Variants in UQCC2 observed in about 807,000 individuals in gnomAD.
UQCC2 encodes the protein ubiquinol-cytochrome c reductase complex assembly factor 2.
In UQCC2, 21 loss-of-function variants were observed where a neutral mutation model predicts 19.9. The ratio of observed to expected loss-of-function variants is 1.05; its 90% CI spans 0.75 to 1.52. The LOEUF (loss-of-function observed/expected upper bound fraction) is 1.52. UQCC2 is among the 40% of genes most tolerant of loss of function. UQCC2 has a pLI of 0.00. For missense variants in UQCC2, 135 were observed against 157.5 expected, an observed-to-expected ratio of 0.86 and a Z score of 0.76; for synonymous variants, 57 against 60.9, an observed-to-expected ratio of 0.94 and a Z score of 0.30.
intron 1 of UQCC2, among the ~76,000 whole-genome samples, chr6:33,710,949 C>T (rs760533861): frequency 2.0e-4 from 31 of 152,298 alleles, no homozygotes; most frequent in Non-Finnish European, 2.6e-4. Context: ...TCAGGAAGAA[C>T]GCAAACGCTT....
rs183566696 is a variant in UQCC2, at chr6:33,703,492, G to A, written c.139-2072C>T. On this transcript the variant is annotated intron_variant, in intron 1 of 3. Transcript: ENST00000607484. Reference sequence around the variant, plus strand: ...TATAGCATGATTGGCCCATCTATGAGCAGGGGACGCTTGGGTGAATGAGTA... The same window carrying A: ...TATAGCATGATTGGCCCATCTATGAACAGGGGACGCTTGGGTGAATGAGTA... 1.4e-4 allele frequency among the ~76,000 whole-genome samples: 21 copies of A among 152,202 alleles called. No individual in the cohort carries two copies. In the East Asian group the frequency reaches 3.9e-3, roughly 28 times the overall value.
In UQCC2 at chr6:33,711,669, G is replaced by C. The variant is rs776064876; in HGVS notation, c.18C>G (p.Tyr6Ter). The C allele has an allele frequency of 7.5e-6, 12 of 1,610,386 alleles. No individual in the cohort carries two copies. Among genetic ancestry groups the C allele is most frequent in the Non-Finnish European group, 1.0e-5 (12 of 1,178,998 alleles). ...CCTCACAGAGCTTAAGAAAACGCCG[G>C]TACCGGCTGGCCGCCATCTTGGGCC... MAASR[Y>*]RRFLKLCEEW... Residue 6 changes from tyrosine (Y) to a stop codon, truncating the protein, a stop_gained, in exon 1 of 4, where the codon TAC becomes TAG. Transcript: ENST00000607484. LOFTEE classifies it high-confidence loss of function.
chr6:33,699,197 A>G (rs1765609127), intron 3 of UQCC2, among the ~76,000 whole-genome samples: 1 of 152,226 alleles, frequency 6.6e-6, no homozygotes, highest in African/African-American at 2.4e-5. Context: ...TTGTCCTGTC[A>G]GAGGAAACAT....
chr6:33,709,903 A>G (rs904521243), intron 1 of UQCC2, among the ~76,000 whole-genome samples: 4 of 152,194 alleles, frequency 2.6e-5, no homozygotes, highest in Non-Finnish European at 5.9e-5. Context: ...GCTCAAATAT[A>G]GCACTGCCTA....
At chr6:33,706,479 G>A (rs146765593) in intron 1 of UQCC2, among the ~76,000 whole-genome samples, 58 of 152,300 alleles carry the variant, frequency 3.8e-4, no homozygotes, top group East Asian at 2.5e-3. Flanking sequence ...AACCCTGCCC[G>A]GGGCAATGTG....
Position 33,697,684 on chromosome 6 carries a change from G to T in UQCC2, c.350C>A (p.Pro117His). Residue 117 changes from proline (P) to histidine (H), a missense_variant, in exon 4 of 4, where the codon CCC becomes CAC. By Grantham distance (77) the Pro-to-His change is moderately conservative (BLOSUM62 -2). Coordinates refer to ENST00000607484, the MANE Select transcript of UQCC2 (RefSeq NM_032340.4). ...MWKKLQEKFA[P>H]KGPEEDHKA ...CTTATGATCCTCCTCAGGACCCTTG[G>T]GGGCAAACTTCTCCTGCAGTTTCTT... 1 of 1,613,980 alleles carries T rather than the reference G, an allele frequency of 6.2e-7. No homozygotes were observed. Among genetic ancestry groups the T allele is most frequent in the South Asian group, 1.1e-5 (1 of 91,064 alleles).
intron 1 of UQCC2, among the ~76,000 whole-genome samples, chr6:33,711,222 T>C (rs1398273526): frequency 1.3e-5 from 2 of 152,208 alleles, no homozygotes; most frequent in Non-Finnish European, 2.9e-5. Flanking sequence ...CCCACTATGT[T>C]GCCCAGGAGG....
At chr6:33,705,233 G>A (rs1379839466) in intron 1 of UQCC2, among the ~76,000 whole-genome samples, 3 of 151,968 alleles carry the variant, frequency 2.0e-5, no homozygotes, top group Admixed American at 6.6e-5. Context: ...GGGTTTCACC[G>A]TGTTAGCCAG....
intron 1 of UQCC2, among the ~76,000 whole-genome samples, chr6:33,710,246 T>C (rs1208668400): frequency 6.6e-6 from 1 of 152,158 alleles, no homozygotes; most frequent in African/African-American, 2.4e-5. Context: ...CCAGCCTCTT[T>C]TTTTGTTATT....
At position 33,701,363 on chromosome 6, in the gene UQCC2, T is replaced by A. The variant is rs1364383519; in HGVS notation, c.196A>T (p.Asn66Tyr). 6.2e-7 allele frequency: 1 copy of A among 1,613,518 alleles called. No individual in the cohort carries two copies. The highest frequency in any genetic ancestry group is 8.5e-7 in the Non-Finnish European group (1 of 1,179,736). The change falls in exon 2 of 4, where the codon AAC (asparagine) becomes TAC (tyrosine). Residue 66 changes from asparagine (N) to tyrosine (Y), a missense_variant. By Grantham distance (143) the Asn-to-Tyr change is moderately radical (BLOSUM62 -2). Transcript: ENST00000607484. ...CCACTCACCTTGTGTTTGTAGTAGTTTGAATGGAGTCGCGCTAAGCTCTCG... is the reference window on the plus strand; with the variant it reads ...CCACTCACCTTGTGTTTGTAGTAGTATGAATGGAGTCGCGCTAAGCTCTCG... ...MYESLARLHS[N>Y]YYKHKYPRPR... is the part of the protein sequence containing the mutation.
chr6:33,699,777 T>C (rs1353439595), intron 3 of UQCC2, among the ~76,000 whole-genome samples: 1 of 152,226 alleles, frequency 6.6e-6, no homozygotes, highest in Non-Finnish European at 1.5e-5. Context: ...AGGAAATGTG[T>C]CAGGGCCATG....
chr6:33,711,411 G>A (rs181862491), intron 1 of UQCC2, 138 bp downstream of exon 1: 19 of 1,282,116 alleles, frequency 1.5e-5, no homozygotes, highest in Non-Finnish European at 2.0e-5. Flanking sequence ...CTCCCTGGGG[G>A]AAAAAGGGGG....
At chr6:33,707,987 G>A (rs944995491) in intron 1 of UQCC2, among the ~76,000 whole-genome samples, 3 of 152,230 alleles carry the variant, frequency 2.0e-5, no homozygotes, top group African/African-American at 7.2e-5. Context: ...ACTCCCCAGA[G>A]GGCAATTTGA....
Position 33,697,600 on chromosome 6 carries a change from T to C in UQCC2, c.*53A>G. 2 of 1,384,866 alleles carry C rather than the reference T, an allele frequency of 1.4e-6. No individual in the cohort carries two copies. The highest frequency in any genetic ancestry group is 1.3e-5 in the South Asian group (1 of 77,914). 85.8% of individuals were successfully genotyped at this position (1,384,866 alleles called of 1,614,324 possible). A position where few individuals can be genotyped will look rare whatever the true frequency, so the allele number is the denominator to read the frequency against. On this transcript the variant is annotated 3_prime_UTR_variant, in exon 4 of 4. Transcript: ENST00000607484. ...GAAACTGGGGCAGTTTTATTGACGA[T>C]GGCAATGTACAAGACTCCACACCTA...
At chr6:33,711,513 T>C (rs1370229146) in intron 1 of UQCC2, 36 bp downstream of exon 1, 1 of 1,571,604 alleles carries the variant, frequency 6.4e-7, no homozygotes, top group Non-Finnish European at 8.6e-7. Flanking sequence ...CCTCGTCCTT[T>C]CCTCCCCTCG....
intron 1 of UQCC2, 98 bp from the exon 2 acceptor site, chr6:33,701,518 A>C: frequency 8.1e-7 from 1 of 1,230,274 alleles, no homozygotes; most frequent in Non-Finnish European, 1.1e-6. Context: ...AAGCGTTCAC[A>C]TGAAGCAGGC....
chr6:33,702,451 TGAG>T (rs1273505583), intron 1 of UQCC2, among the ~76,000 whole-genome samples: 1 of 152,070 alleles, frequency 6.6e-6, no homozygotes, highest in Non-Finnish European at 1.5e-5. Flanking sequence ...ATGTGTAAAC[TGAG>T]GAGAACCAAG....
At chr6:33,700,545 A>AGG in intron 2 of UQCC2, 32 bp from the exon 3 acceptor site, 1 of 1,610,250 alleles carries the variant, frequency 6.2e-7, no homozygotes, top group Non-Finnish European at 8.5e-7. Context: ...AAGTGAAGGG[A>AGG]GGGGAGAGAT....
intron 1 of UQCC2, among the ~76,000 whole-genome samples, chr6:33,706,136 C>T (rs148623910): frequency 3.9e-5 from 6 of 152,296 alleles, no homozygotes; most frequent in East Asian, 3.9e-4. Flanking sequence ...ATTGGTACAG[C>T]GGCCCCTATT....
Sources: allele counts gnomAD v4.1 joint callset (sites outside exome capture counted in the v4.1 genomes callset), GRCh38; gene constraint gnomAD v4.1.1; transcripts MANE v1.5; gene names NCBI Gene and HGNC (gene_info 2026-07-23, HGNC 2026-07-21).